The following WWP2 variants were observed in gnomAD, a reference collection of about 807,000 sequenced individuals.
WWP2 encodes NEDD4-like E3 ubiquitin-protein ligase WWP2.
Under a neutral mutation model 121.0 loss-of-function variants are expected in WWP2, and 57 were observed. That is an observed-to-expected ratio of 0.47 (90% CI 0.38 to 0.59). WWP2 has a LOEUF of 0.59. WWP2 is among the 20% of genes least tolerant of loss of function. The pLI is 0.00. For missense variants in WWP2, 962 were observed against 1,158.9 expected, an observed-to-expected ratio of 0.83 and a Z score of 2.47; for synonymous variants, 449 against 441.3, an observed-to-expected ratio of 1.02 and a Z score of -0.22.
intron 2 of WWP2, among the ~76,000 whole-genome samples, chr16:69,796,500 C>T (rs1434957937): frequency 1.3e-5 from 2 of 152,218 alleles, no homozygotes; most frequent in African/African-American, 2.4e-5. Context: ...ACTGGTGTTG[C>T]GGCTCACTGC....
intron 6 of WWP2, among the ~76,000 whole-genome samples, chr16:69,846,486 C>T (rs571818732): frequency 2.6e-5 from 4 of 151,942 alleles, no homozygotes; most frequent in East Asian, 3.9e-4. Context: ...TTGGGGAGGT[C>T]GAGGCGGATG....
rs111786439 is a variant in WWP2, at chr16:69,798,874, G to A, written c.218+45G>A. 2.7e-5 allele frequency: 44 copies of A among 1,605,232 alleles called. 1 individual carries two copies. The African/African-American group carries it at 3.7e-4, about 14-fold the overall frequency. On this transcript the variant is annotated intron_variant, in intron 3 of 23. Transcript: ENST00000359154. ...TTTTGAACGCAGCAAGATGGGGAAAGAGAGAGGGTGCTCCGAGGGGGTTGT... is the reference window on the plus strand; with the variant it reads ...TTTTGAACGCAGCAAGATGGGGAAAAAGAGAGGGTGCTCCGAGGGGGTTGT...
intron 4 of WWP2, among the ~76,000 whole-genome samples, chr16:69,808,751 A>G (rs1487111776): frequency 1.3e-5 from 2 of 152,224 alleles, no homozygotes; most frequent in East Asian, 1.9e-4. Flanking sequence ...TGAATACACC[A>G]TAATTTATTT....
At chr16:69,893,022 C>T (rs182133223) in intron 8 of WWP2, among the ~76,000 whole-genome samples, 52 of 152,312 alleles carry the variant, frequency 3.4e-4, no homozygotes, top group African/African-American at 8.7e-4. Flanking sequence ...GCCTAAGCCA[C>T]GATAACTTAA....
intron 8 of WWP2, among the ~76,000 whole-genome samples, chr16:69,900,262 T>A (rs941635275): frequency 6.6e-6 from 1 of 152,226 alleles, no homozygotes; most frequent in Non-Finnish European, 1.5e-5. Context: ...TACCCATTTT[T>A]GCTCCCATTG....
rs34214656 is a variant in WWP2, at chr16:69,820,825, T to TACACACAC, written c.341-19276_341-19269dup. The stretch of plus-strand genomic sequence containing the variant: ...ACACAAAACCATGAATACATGCATA[T>TACACACAC]ACACACACACACACACACACACACA... On this transcript the variant is annotated intron_variant, in intron 4 of 23. Coordinates refer to ENST00000359154, the MANE Select transcript of WWP2 (RefSeq NM_001270454.2). Among the ~76,000 whole-genome samples the TACACACAC allele has an allele frequency of 3.7e-4, 53 of 144,170 alleles. No individual in the cohort carries two copies. In the East Asian group the frequency reaches 3.8e-3, roughly 10 times the overall value. 94.6% of individuals were successfully genotyped at this position (144,170 alleles called of 152,430 possible). A position where few individuals can be genotyped will look rare whatever the true frequency, so the allele number is the denominator to read the frequency against.
chr16:69,906,411 C>T (rs916070336), intron 8 of WWP2, among the ~76,000 whole-genome samples: 1 of 152,102 alleles, frequency 6.6e-6, no homozygotes, highest in Non-Finnish European at 1.5e-5. Context: ...AGGGGCTGAT[C>T]AATGCAGTCC....
At chr16:69,764,747 C>G (rs1277710117) in intron 1 of WWP2, among the ~76,000 whole-genome samples, 3 of 152,178 alleles carry the variant, frequency 2.0e-5, no homozygotes, top group Non-Finnish European at 4.4e-5. Flanking sequence ...CTGCTGAGCA[C>G]TGGAGCTATG....
chr16:69,931,632 A>G, intron 15 of WWP2, 52 bp downstream of exon 15: 2 of 1,608,356 alleles, frequency 1.2e-6, no homozygotes, highest in Non-Finnish European at 1.7e-6. Flanking sequence ...TCCTCCCAGC[A>G]CCCCATCTCC....
Position 69,929,470 on chromosome 16 carries a change from G to T in WWP2, c.1257G>T (p.Arg419=), listed in dbSNP as rs748999075. The T allele has an allele frequency of 6.8e-6, 11 of 1,614,006 alleles. No homozygotes were observed. In the East Asian group the frequency reaches 2.5e-4, roughly 36 times the overall value. ...CAGAGAAGAGACAGGACAATGGACG[G>T]GTGTATTACGTGAACCATAACACTC... ...PGWEKRQDNG[R]VYYVNHNTRT... Residue 419 remains arginine (R), a synonymous_variant, in exon 12 of 24, where the codon CGG becomes CGT. Coordinates refer to ENST00000359154, the MANE Select transcript of WWP2 (RefSeq NM_001270454.2).
intron 5 of WWP2, among the ~76,000 whole-genome samples, chr16:69,840,942 A>G (rs1293648907): frequency 6.6e-6 from 1 of 152,218 alleles, no homozygotes; most frequent in Non-Finnish European, 1.5e-5. Context: ...TTGAATTGCA[A>G]TTCAAGGGCA....
intron 2 of WWP2, among the ~76,000 whole-genome samples, chr16:69,794,171 G>C (rs1744305574): frequency 6.6e-6 from 1 of 151,986 alleles, no homozygotes; most frequent in African/African-American, 2.4e-5. Flanking sequence ...ACCTCCCTTA[G>C]CCTCCCAAAG....
chr16:69,868,468 T>C (rs1267441468), intron 6 of WWP2, among the ~76,000 whole-genome samples: 1 of 152,154 alleles, frequency 6.6e-6, no homozygotes, highest in Admixed American at 6.5e-5. Context: ...ATCATGGACA[T>C]GTCTGTCTGA....
chr16:69,823,242 AC>A (rs1567685973), intron 4 of WWP2, among the ~76,000 whole-genome samples: 1 of 152,170 alleles, frequency 6.6e-6, no homozygotes, highest in Non-Finnish European at 1.5e-5. Context: ...AAAGAAAAGT[AC>A]TAATGAGATA....
chr16:69,846,589 C>T (rs928182665), intron 6 of WWP2, among the ~76,000 whole-genome samples: 5 of 151,962 alleles, frequency 3.3e-5, no homozygotes, highest in African/African-American at 7.3e-5. Flanking sequence ...GGCATGGTGG[C>T]GTGCACCTGT....
intron 4 of WWP2, among the ~76,000 whole-genome samples, chr16:69,804,500 T>G (rs982944188): frequency 1.3e-5 from 2 of 152,216 alleles, no homozygotes; most frequent in African/African-American, 4.8e-5. Flanking sequence ...TAAAAACATA[T>G]GTGTATTTGG....
intron 1 of WWP2, among the ~76,000 whole-genome samples, chr16:69,782,716 C>T (rs2055690041): frequency 6.6e-6 from 1 of 152,192 alleles, no homozygotes; most frequent in Admixed American, 6.6e-5. Context: ...CTAGATATAT[C>T]ACATAAGACA....
intron 8 of WWP2, among the ~76,000 whole-genome samples, chr16:69,893,646 A>G (rs148199897): frequency 2.3e-3 from 353 of 152,260 alleles, no homozygotes; most frequent in African/African-American, 6.5e-3. Flanking sequence ...GGTTCAAACA[A>G]TTCTCCTGCC....
At chr16:69,896,126 CT>C (rs1373985124) in intron 8 of WWP2, among the ~76,000 whole-genome samples, 1 of 152,064 alleles carries the variant, frequency 6.6e-6, no homozygotes, top group Non-Finnish European at 1.5e-5. Flanking sequence ...ACTGCACTTT[CT>C]TTCCTTTTTT....
Sources: allele counts gnomAD v4.1 joint callset (sites outside exome capture counted in the v4.1 genomes callset), GRCh38; gene constraint gnomAD v4.1.1; transcripts MANE v1.5; gene names NCBI Gene and HGNC (gene_info 2026-07-23, HGNC 2026-07-21).